KHDC1: variants seen among roughly 807,000 people sequenced by gnomAD.
KHDC1 encodes the protein KH domain containing 1.
KHDC1 carries 21 observed loss-of-function variants against 24.7 expected under a neutral mutation model. That is an observed-to-expected ratio of 0.85 (90% CI 0.60 to 1.23). The LOEUF is 1.23. Ranked by LOEUF, KHDC1 falls within the 50% of genes most tolerant of loss-of-function variation. The probability of loss-of-function intolerance (pLI) is 0.00; values close to 1 mark genes in which losing one functional copy is unlikely to be tolerated. For synonymous variants in KHDC1, 98 were observed against 111.7 expected, an observed-to-expected ratio of 0.88 and a Z score of 0.77; for missense variants, 274 against 298.5, an observed-to-expected ratio of 0.92 and a Z score of 0.61.
intron 2 of KHDC1, among the ~76,000 whole-genome samples, chr6:73,284,433 G>A (rs1767479761): frequency 6.6e-6 from 1 of 152,114 alleles, no homozygotes; most frequent in African/African-American, 2.4e-5. Flanking sequence ...TGGGCTTAGT[G>A]CACAAGGACC....
At chr6:73,301,510 A>G (rs1037670273) in intron 1 of KHDC1, 1 of 152,242 alleles carries the variant, frequency 6.6e-6, no homozygotes, top group African/African-American at 2.4e-5. Context: ...GAAACACCTT[A>G]TAATATACTG....
At chr6:73,285,661 T>A (rs966677674) in intron 2 of KHDC1, among the ~76,000 whole-genome samples, 1 of 151,590 alleles carries the variant, frequency 6.6e-6, no homozygotes, top group Non-Finnish European at 1.5e-5. Flanking sequence ...TTTTTTTTTT[T>A]TTTTATTATA....
intron 1 of KHDC1, among the ~76,000 whole-genome samples, chr6:73,295,033 G>A (rs1176887500): frequency 1.3e-5 from 2 of 151,886 alleles, no homozygotes; most frequent in Non-Finnish European, 2.9e-5. Context: ...ACACACCTGT[G>A]GTCCCAGCTA....
At chr6:73,259,715 C>G (rs960239644) in intron 2 of KHDC1, among the ~76,000 whole-genome samples, 2 of 152,160 alleles carry the variant, frequency 1.3e-5, no homozygotes, top group African/African-American at 4.8e-5. Context: ...TTTAAACAAG[C>G]ATGTTGTGGT....
intron 1 of KHDC1, among the ~76,000 whole-genome samples, chr6:73,298,320 C>T (rs1054167019): frequency 6.6e-6 from 1 of 151,708 alleles, no homozygotes; most frequent in Non-Finnish European, 1.5e-5. Context: ...TTCCCACATG[C>T]AGCATTTCTC....
Position 73,301,224 on chromosome 6 carries a change from CA to C in KHDC1, c.163+8327del, listed in dbSNP as rs1190167959. 1.4e-4 allele frequency: 20 copies of C among 145,670 alleles called. No homozygotes were observed. In the East Asian group the frequency reaches 2.8e-3, roughly 20 times the overall value. The allele number at this position is 145,670 out of a possible 1,614,324, so 9.0% of individuals were successfully genotyped here. A position where few individuals can be genotyped will look rare whatever the true frequency, so the allele number is the denominator to read the frequency against. On this transcript the variant is annotated intron_variant, in intron 1 of 4. Transcript: ENST00000370384. ...GACAGAGCGAGACTCCGTAAAAAAA[CA>C]AAAAAAAAACCTTGCCCTTCATTCC...
At chr6:73,258,661 G>A (rs1396028119) in intron 2 of KHDC1, among the ~76,000 whole-genome samples, 2 of 152,298 alleles carry the variant, frequency 1.3e-5, no homozygotes, top group East Asian at 1.9e-4. Context: ...GGCCAAAGGC[G>A]GAAGGTGGAG....
At chr6:73,280,282 C>T (rs927666192) in intron 2 of KHDC1, among the ~76,000 whole-genome samples, 19 of 152,192 alleles carry the variant, frequency 1.2e-4, no homozygotes, top group African/African-American at 4.6e-4. Flanking sequence ...CTCAGCCTTC[C>T]AAGTAGCTGG....
chr6:73,259,389 T>C (rs1221587816), intron 2 of KHDC1, among the ~76,000 whole-genome samples: 1 of 148,754 alleles, frequency 6.7e-6, no homozygotes, highest in Non-Finnish European at 1.5e-5. Context: ...CTGGAGTTCC[T>C]GGGCTCAAGC....
intron 2 of KHDC1, among the ~76,000 whole-genome samples, chr6:73,278,397 T>G (rs890492683): frequency 6.6e-6 from 1 of 152,106 alleles, no homozygotes; most frequent in African/African-American, 2.4e-5. Flanking sequence ...CTTTTTATTT[T>G]TTTATTTTTA....
intron 2 of KHDC1, among the ~76,000 whole-genome samples, chr6:73,277,031 C>G (rs1767311407): frequency 6.6e-6 from 1 of 152,094 alleles, no homozygotes; most frequent in South Asian, 2.1e-4. Context: ...ATTAATGTCC[C>G]AGGGAACTTT....
intron 2 of KHDC1, among the ~76,000 whole-genome samples, chr6:73,259,593 C>T (rs141200741): frequency 3.3e-5 from 5 of 152,076 alleles, no homozygotes; most frequent in Admixed American, 6.5e-5. Context: ...AAGGATAGAT[C>T]GAAGGGAATG....
rs1283843680 is a variant in KHDC1 at position 73,241,565 on chromosome 6, AC to A, written c.677del (p.Gly226ValfsTer7). Reference sequence around the variant, plus strand: ...GTGAACTCAAATGGAAACCCGAACAACCAATCACTTGGTAAGGGGAAGGCTG... The same window carrying A: ...GTGAACTCAAATGGAAACCCGAACAACAATCACTTGGTAAGGGGAAGGCTG... On this transcript the variant is annotated frameshift_variant, in exon 5 of 5. Coordinates refer to ENST00000370384, the Ensembl canonical transcript of KHDC1. LOFTEE classifies it low-confidence loss of function (END_TRUNC). The A allele has an allele frequency of 7.4e-6, 12 of 1,614,110 alleles. No homozygotes were observed. Among genetic ancestry groups the A allele is most frequent in the Non-Finnish European group, 1.0e-5 (12 of 1,180,010 alleles).
chr6:73,292,910 T>G, intron 1 of KHDC1: 1 of 814,774 alleles, frequency 1.2e-6, no homozygotes, highest in Non-Finnish European at 2.1e-6. Context: ...TGTGAACGAC[T>G]TCTTGGTGGC....
At chr6:73,301,720 C>T (rs1431791954) in intron 1 of KHDC1, among the ~76,000 whole-genome samples, 2 of 152,126 alleles carry the variant, frequency 1.3e-5, no homozygotes, top group African/African-American at 2.4e-5. Context: ...CAGCCTCGAC[C>T]TCCTAGGCTC....
chr6:73,288,926 A>G (rs888750392), intron 2 of KHDC1, among the ~76,000 whole-genome samples: 2 of 152,158 alleles, frequency 1.3e-5, no homozygotes, highest in African/African-American at 4.8e-5. Context: ...TTCAGCCCCA[A>G]TTAAACCTAA....
At chr6:73,299,087 G>A (rs530727982) in intron 1 of KHDC1, 19 of 152,308 alleles carry the variant, frequency 1.2e-4, no homozygotes, top group African/African-American at 4.3e-4. Context: ...GACCTATTGG[G>A]AGACCCTCTG....
At chr6:73,298,147 C>A (rs1334639835) in intron 1 of KHDC1, among the ~76,000 whole-genome samples, 1 of 151,720 alleles carries the variant, frequency 6.6e-6, no homozygotes, top group Non-Finnish European at 1.5e-5. Flanking sequence ...GGTGACAAAA[C>A]GAGACTCTGT....
rs1328692006 is a variant in KHDC1 at position 73,268,380 on chromosome 6, C to G, written c.206+23618G>C. The G allele has an allele frequency of 5.2e-5, 8 of 153,590 alleles. No individual in the cohort carries two copies. In the Admixed American group the frequency reaches 5.2e-4, roughly 10 times the overall value. The allele number at this position is 153,590 out of a possible 1,614,324, so 9.5% of individuals were successfully genotyped here. A position where few individuals can be genotyped will look rare whatever the true frequency, so the allele number is the denominator to read the frequency against. On this transcript the variant is annotated intron_variant, in intron 2 of 4. Coordinates refer to ENST00000370384, the Ensembl canonical transcript of KHDC1. ...ACAGCTCATAAAAGCAGTGTGGCCC[C>G]AAAGAGTAAGCAGCAGCAAGATTTA...
Sources: allele counts gnomAD v4.1 joint callset (sites outside exome capture counted in the v4.1 genomes callset), GRCh38; gene constraint gnomAD v4.1.1; transcripts MANE v1.5; gene names NCBI Gene and HGNC (gene_info 2026-07-23, HGNC 2026-07-21).